The following NINL variants were observed in gnomAD, a reference collection of about 807,000 sequenced individuals.
NINL encodes ninein-like protein.
NINL carries 153 observed loss-of-function variants against 160.3 expected under a neutral mutation model. The ratio of observed to expected loss-of-function variants is 0.95; its 90% CI spans 0.84 to 1.09. NINL has a LOEUF of 1.09. Among genes scored for constraint, NINL ranks in the 50% least tolerant of loss-of-function variants. The pLI, the probability that NINL is intolerant of heterozygous loss-of-function variation, is 0.00. For missense variants in NINL, 1,829 were observed against 1,764.0 expected (o/e 1.04, Z -0.66); for synonymous variants, 800 against 734.8 (o/e 1.09, Z -1.43).
At chr20:25,545,615 C>T (rs2064722110) in intron 1 of NINL, among the ~76,000 whole-genome samples, 1 of 152,086 alleles carries the variant, frequency 6.6e-6, no homozygotes, top group Non-Finnish European at 1.5e-5. Context: ...AATTCAGGCA[C>T]AACTGACCAG....
chr20:25,547,318 A>G (rs1021271071), intron 1 of NINL, among the ~76,000 whole-genome samples: 3 of 152,140 alleles, frequency 2.0e-5, no homozygotes, highest in African/African-American at 7.2e-5. Context: ...CTGTTCATCC[A>G]CATTCTTGGT....
At chr20:25,547,760 T>C (rs1363238833) in intron 1 of NINL, among the ~76,000 whole-genome samples, 1 of 152,186 alleles carries the variant, frequency 6.6e-6, no homozygotes, top group African/African-American at 2.4e-5. Context: ...GGTTAGGGCT[T>C]CAACATCCGA....
chr20:25,481,760 T>G, intron 14 of NINL: 1 of 694,412 alleles, frequency 1.4e-6, no homozygotes, highest in Non-Finnish European at 2.4e-6. Context: ...CGTCCCTTCC[T>G]CCTCCCTCTG....
rs142387243 is a variant in NINL at position 25,526,429 on chromosome 20, G to A, written c.159C>T (p.Leu53=). The A allele has an allele frequency of 9.3e-6, 15 of 1,612,594 alleles. No homozygotes were observed. The highest frequency in any genetic ancestry group is 1.3e-5 in the Non-Finnish European group (15 of 1,178,876). Reference sequence around the variant, plus strand: ...TCACCCTGGCGAAATGGTCGTTTCCGAGAAGCGTCTGCAGGAGGACGGGCA... The same window carrying A: ...TCACCCTGGCGAAATGGTCGTTTCCAAGAAGCGTCTGCAGGAGGACGGGCA... ...QQLPVLLQTL[L]GNDHFARVNF... The change falls in exon 2 of 24, where the codon CTC becomes CTT. Residue 53 remains leucine, a synonymous_variant. Coordinates refer to ENST00000278886, the MANE Select transcript of NINL (RefSeq NM_025176.6).
chr20:25,553,401 C>T (rs953813411), intron 1 of NINL, among the ~76,000 whole-genome samples: 2 of 152,168 alleles, frequency 1.3e-5, no homozygotes, highest in South Asian at 2.1e-4. Context: ...AGGATGCACA[C>T]AGTACAGGCC....
intron 1 of NINL, among the ~76,000 whole-genome samples, chr20:25,545,716 G>C (rs2064723131): frequency 6.6e-6 from 1 of 152,172 alleles, no homozygotes; most frequent in African/African-American, 2.4e-5. Flanking sequence ...TCATAAGACA[G>C]ATAGCAAGCC....
chr20:25,466,194 C>CT (rs1216088401), intron 19 of NINL, among the ~76,000 whole-genome samples: 1 of 151,688 alleles, frequency 6.6e-6, no homozygotes, highest in Middle Eastern at 3.4e-3. Flanking sequence ...GCTGATTTTT[C>CT]TTTTTTTTGT....
intron 18 of NINL, among the ~76,000 whole-genome samples, chr20:25,468,067 T>C (rs888274037): frequency 3.3e-5 from 5 of 151,904 alleles, no homozygotes; most frequent in Admixed American, 3.3e-4. Flanking sequence ...TTGAGATGCA[T>C]AATTGGGAAA....
intron 13 of NINL, among the ~76,000 whole-genome samples, chr20:25,487,479 C>A (rs2063526359): frequency 6.6e-6 from 1 of 152,134 alleles, no homozygotes; most frequent in South Asian, 2.1e-4. Context: ...ACATGCCCAG[C>A]CGTTCCTGAT....
chr20:25,558,796 T>C (rs2064899050), intron 1 of NINL, among the ~76,000 whole-genome samples: 1 of 152,224 alleles, frequency 6.6e-6, no homozygotes, highest in Admixed American at 6.5e-5. Flanking sequence ...ACAGAGTACC[T>C]GATAATAGGT....
chr20:25,462,146 C>T (rs956995741), intron 20 of NINL, among the ~76,000 whole-genome samples: 1 of 152,206 alleles, frequency 6.6e-6, no homozygotes, highest in Non-Finnish European at 1.5e-5. Flanking sequence ...AAACTGCCCT[C>T]GGGGAACTTT....
rs149004017 is a variant in NINL, at chr20:25,504,259, G to A, written c.709-155C>T. On this transcript the variant is annotated intron_variant, in intron 6 of 23. Coordinates refer to ENST00000278886, the MANE Select transcript of NINL (RefSeq NM_025176.6). ...CCTTAAAACTGTGTAGACCATGCGG[G>A]CTATATTTTCCCAAGCCGACCCCTC... Among the ~76,000 whole-genome samples the A allele has an allele frequency of 3.3e-4, 50 of 152,232 alleles. No individual in the cohort carries two copies. The East Asian group carries it at 8.7e-3, about 27-fold the overall frequency.
rs928242609 is a variant in NINL, at chr20:25,526,396, T to C, written c.180+12A>G. ...CGTGCTTTCCTTTATGACAATGAAG[T>C]CCAACACTCACCCTGGCGAAATGGT... is the stretch of plus-strand genomic sequence containing the variant. On this transcript the variant is annotated intron_variant, in intron 2 of 23. Coordinates refer to ENST00000278886, the MANE Select transcript of NINL (RefSeq NM_025176.6). 5.6e-6 allele frequency: 9 copies of C among 1,605,084 alleles called. No homozygotes were observed. The highest frequency in any genetic ancestry group is 7.7e-6 in the Non-Finnish European group (9 of 1,173,792).
intron 22 of NINL, among the ~76,000 whole-genome samples, chr20:25,456,837 CAGG>C (rs1333418377): frequency 6.6e-6 from 1 of 150,500 alleles, no homozygotes; most frequent in Non-Finnish European, 1.5e-5. Context: ...GAGGCTGAGG[CAGG>C]AGAATTGCTT....
chr20:25,454,226 TG>T (rs2090610336), intron 23 of NINL, among the ~76,000 whole-genome samples: 1 of 152,182 alleles, frequency 6.6e-6, no homozygotes. Flanking sequence ...CAAAAGGCCC[TG>T]GGACGGTCAG....
intron 3 of NINL, 48 bp from the exon 4 acceptor site, chr20:25,513,054 G>A (rs1207220581): frequency 6.4e-7 from 1 of 1,559,472 alleles, no homozygotes; most frequent in Non-Finnish European, 8.7e-7. Context: ...TAGCAGTTCT[G>A]GGCCCATGCA....
chr20:25,501,329 G>A (rs549388511), intron 7 of NINL, among the ~76,000 whole-genome samples: 1 of 152,358 alleles, frequency 6.6e-6, no homozygotes, highest in South Asian at 2.1e-4. Flanking sequence ...GACGACAAAG[G>A]AGTTTTAACG....
intron 1 of NINL, among the ~76,000 whole-genome samples, chr20:25,547,193 T>A (rs868025660): frequency 6.6e-5 from 10 of 152,234 alleles, no homozygotes; most frequent in Middle Eastern, 3.4e-3. Flanking sequence ...CTGAGGTGAC[T>A]CTAGGAGGAA....
chr20:25,491,657 G>T, intron 10 of NINL, 132 bp from the exon 11 acceptor site: 1 of 1,086,818 alleles, frequency 9.2e-7, no homozygotes, highest in Non-Finnish European at 1.3e-6. Flanking sequence ...CCCTGCCTTG[G>T]CTGAGCTGCC....
Sources: gnomAD v4.1 joint callset for allele counts (sites outside exome capture counted in the v4.1 genomes callset) on GRCh38, gnomAD v4.1.1 for gene constraint, MANE v1.5 for transcripts, NCBI Gene and HGNC (gene_info 2026-07-23, HGNC 2026-07-21) for gene names.